Variants in FAM81B observed in about 807,000 individuals in gnomAD.
FAM81B encodes family with sequence similarity 81 member B.
Under a neutral mutation model 58.7 loss-of-function variants are expected in FAM81B, and 60 were observed. The observed-to-expected ratio is 1.02, with a 90% confidence interval of 0.83 to 1.27. The LOEUF (loss-of-function observed/expected upper bound fraction) is 1.27, where lower values mean the gene tolerates loss of function less well. Among genes scored for constraint, FAM81B ranks in the 50% most tolerant of loss-of-function variants. FAM81B has a pLI of 0.00. For synonymous variants in FAM81B, 189 were observed against 179.6 expected, an observed-to-expected ratio of 1.05 and a Z score of -0.42; for missense variants, 491 against 522.0, an observed-to-expected ratio of 0.94 and a Z score of 0.58.
chr5:95,432,149 A>G (rs1396877156), intron 6 of FAM81B, among the ~76,000 whole-genome samples: 1 of 152,060 alleles, frequency 6.6e-6, no homozygotes, highest in Non-Finnish European at 1.5e-5. Context: ...TTTATCAAAT[A>G]CCTTTTCAGC....
chr5:95,413,222 G>A (rs1255368840), intron 3 of FAM81B, among the ~76,000 whole-genome samples: 1 of 152,124 alleles, frequency 6.6e-6, no homozygotes, highest in Admixed American at 6.6e-5. Flanking sequence ...AAAACATTGA[G>A]AATAGATCTT....
At chr5:95,407,419 C>T (rs575493932) in intron 3 of FAM81B, among the ~76,000 whole-genome samples, 2 of 151,052 alleles carry the variant, frequency 1.3e-5, no homozygotes, top group African/African-American at 4.9e-5. Context: ...CGCACACACA[C>T]ACGCGTGCGC....
At chr5:95,448,228 A>G (rs370833171) in intron 8 of FAM81B, 41 bp from the exon 9 acceptor site, 11 of 1,513,852 alleles carry the variant, frequency 7.3e-6, no homozygotes, top group African/African-American at 4.2e-5. Flanking sequence ...AGATAAATCC[A>G]TGTACATTTC....
intron 6 of FAM81B, among the ~76,000 whole-genome samples, chr5:95,433,171 C>A (rs562257656): frequency 5.3e-5 from 8 of 152,036 alleles, no homozygotes; most frequent in African/African-American, 1.9e-4. Flanking sequence ...TACCCAAGAC[C>A]GGGTAATTTA....
chr5:95,417,772 A>G (rs1228944802), intron 4 of FAM81B, among the ~76,000 whole-genome samples: 1 of 152,188 alleles, frequency 6.6e-6, no homozygotes, highest in Non-Finnish European at 1.5e-5. Context: ...ATGACACTGT[A>G]CACAAAGATG....
At chr5:95,418,752 C>T (rs896060459) in intron 4 of FAM81B, among the ~76,000 whole-genome samples, 1 of 152,138 alleles carries the variant, frequency 6.6e-6, no homozygotes, top group Admixed American at 6.5e-5. Flanking sequence ...GAAAGTTCCT[C>T]ATTCAAAGAC....
At chr5:95,423,547 T>TAAAA (rs70978187) in intron 5 of FAM81B, among the ~76,000 whole-genome samples, 63 of 123,462 alleles carry the variant, frequency 5.1e-4, no homozygotes, top group African/African-American at 1.8e-3. Context: ...TGCATGTGGG[T>TAAAA]AAAAAAAAAA....
Position 95,396,159 on chromosome 5 carries a change from G to T in FAM81B, c.277G>T (p.Val93Phe). ...KMSTKNSTDL[V>F]EYVDKSHAFL... The stretch of plus-strand genomic sequence containing the variant: ...GTCAACCAAGAATTCTACAGATCTA[G>T]TTGAATATGTTGACAAGTAAGTGTG... Residue 93 changes from valine to phenylalanine, a missense_variant, in exon 3 of 10, where the codon GTT (valine) becomes TTT (phenylalanine). Physicochemically the swap from Val to Phe is conservative, Grantham distance 50. Transcript: ENST00000283357. The T allele has an allele frequency of 6.2e-7, 1 of 1,602,492 alleles. No homozygotes were observed. The highest frequency in any genetic ancestry group is 8.5e-7 in the Non-Finnish European group (1 of 1,175,816).
chr5:95,420,219 T>G, intron 4 of FAM81B, 65 bp from the exon 5 acceptor site: 2 of 1,601,512 alleles, frequency 1.2e-6, no homozygotes, highest in Non-Finnish European at 1.7e-6. Flanking sequence ...TAACCCCTGC[T>G]TTAAATGATG....
At chr5:95,403,967 G>A (rs1279505782) in intron 3 of FAM81B, among the ~76,000 whole-genome samples, 1 of 152,042 alleles carries the variant, frequency 6.6e-6, no homozygotes, top group Non-Finnish European at 1.5e-5. Context: ...CTGTTGGGAG[G>A]GTAACCAATG....
rs1762913664 is a variant in FAM81B at position 95,428,601 on chromosome 5, A to G, written c.657-2A>G. On this transcript the variant is annotated splice_acceptor_variant, in intron 5 of 9. Transcript: ENST00000283357. LOFTEE classifies it high-confidence loss of function. ...CCACACCAATTTCCATCTTGCCATT[A>G]GATGTGATTCAAGCATTGTGAAGCT... 6.2e-7 allele frequency: 1 copy of G among 1,613,820 alleles called. No homozygotes were observed. The highest frequency in any genetic ancestry group is 1.3e-5 in the African/African-American group (1 of 75,048).
intron 4 of FAM81B, among the ~76,000 whole-genome samples, chr5:95,415,803 A>G (rs1396804657): frequency 2.6e-5 from 4 of 152,204 alleles, no homozygotes; most frequent in Non-Finnish European, 5.9e-5. Flanking sequence ...ATTACATTAC[A>G]TTGAGTCAAG....
rs1041592444 is a variant in FAM81B at position 95,439,284 on chromosome 5, A to C, written c.893+2378A>C. Among the ~76,000 whole-genome samples the C allele has an allele frequency of 5.3e-5, 6 of 113,916 alleles. No individual in the cohort carries two copies. In the Admixed American group the frequency reaches 5.4e-4, roughly 10 times the overall value. 74.7% of individuals were successfully genotyped at this position (113,916 alleles called of 152,430 possible). ...TATATATGTATATTTTAATTTTATAAATTTCTTCTTTAAAATGTTGTAGGG... is the reference window on the plus strand; with the variant it reads ...TATATATGTATATTTTAATTTTATACATTTCTTCTTTAAAATGTTGTAGGG... On this transcript the variant is annotated intron_variant, in intron 7 of 9. Transcript: ENST00000283357.
chr5:95,446,434 C>T, intron 7 of FAM81B, 128 bp from the exon 8 acceptor site: 1 of 931,542 alleles, frequency 1.1e-6, no homozygotes, highest in Non-Finnish European at 1.6e-6. Context: ...GCACCTCCCA[C>T]ATCACCCCAC....
intron 2 of FAM81B, among the ~76,000 whole-genome samples, chr5:95,393,304 T>C (rs1761877723): frequency 6.6e-6 from 1 of 152,230 alleles, no homozygotes; most frequent in African/African-American, 2.4e-5. Flanking sequence ...GCAGTGTTTT[T>C]AGACTTTTTT....
intron 7 of FAM81B, chr5:95,440,623 T>C (rs909604664): frequency 2.6e-6 from 2 of 762,416 alleles, no homozygotes; most frequent in Admixed American, 2.4e-5. Flanking sequence ...AATGAAGCCA[T>C]AGTAGCTGTT....
intron 3 of FAM81B, among the ~76,000 whole-genome samples, chr5:95,404,673 C>G (rs1232667708): frequency 6.6e-6 from 1 of 152,138 alleles, no homozygotes; most frequent in Non-Finnish European, 1.5e-5. Flanking sequence ...GTAGAGAAAT[C>G]AGTCTGTCAA....
intron 6 of FAM81B, among the ~76,000 whole-genome samples, chr5:95,431,490 A>T (rs536808503): frequency 5.3e-5 from 8 of 152,134 alleles, no homozygotes; most frequent in South Asian, 4.1e-4. Context: ...CATTTCAATA[A>T]ATAAATCAAA....
At position 95,391,425 on chromosome 5, in the gene FAM81B, A is replaced by C. The variant is rs1561285754; in HGVS notation, c.36A>C (p.Ser12=). ...QLQFLGTLAS[S]EKRKKSQRLF... ...AATTCCTTGGTACATTGGCTTCCTC[A>C]GAAAAAAGAAAAAAATCACAGAGAT... The change falls in exon 1 of 10, where the codon TCA becomes TCC. Residue 12 remains serine, a synonymous_variant. Transcript: ENST00000283357. The C allele has an allele frequency of 1.2e-6, 2 of 1,613,742 alleles. No individual in the cohort carries two copies. Among genetic ancestry groups the C allele is most frequent in the Non-Finnish European group, 1.7e-6 (2 of 1,179,764 alleles).
Sources: allele counts gnomAD v4.1 joint callset (sites outside exome capture counted in the v4.1 genomes callset), GRCh38; gene constraint gnomAD v4.1.1; transcripts MANE v1.5; gene names NCBI Gene and HGNC (gene_info 2026-07-23, HGNC 2026-07-21).